The following TMEM59 variants were observed in gnomAD, a reference collection of about 807,000 sequenced individuals.
TMEM59 encodes transmembrane protein 59.
A neutral mutation model predicts 42.2 loss-of-function variants in TMEM59; 44 were observed. The observed-to-expected ratio is 1.04, with a 90% CI of 0.82 to 1.34. The LOEUF is 1.34. Among genes scored for constraint, TMEM59 ranks in the 40% most tolerant of loss-of-function variants. The probability of loss-of-function intolerance (pLI) is 0.00; values close to 1 mark genes in which losing one functional copy is unlikely to be tolerated. For synonymous variants in TMEM59, 148 were observed against 145.8 expected (o/e 1.02, Z -0.11); for missense variants, 359 against 382.8 (o/e 0.94, Z 0.52).
chr1:54,053,275 G>GC (rs1557683250), upstream of TMEM59: 6 of 1,506,454 alleles, frequency 4.0e-6, no homozygotes, highest in Non-Finnish European at 4.5e-6. Flanking sequence ...CCCCTTCTCC[G>GC]CCCCACCGAC....
chr1:54,033,570 C>G (rs1454536370), intron 7 of TMEM59: 1 of 145,864 alleles, frequency 6.9e-6, no homozygotes, highest in Non-Finnish European at 1.5e-5. Context: ...ACACTGCCCT[C>G]CAGCCTGGGG....
chr1:54,029,096 A>G lies in TMEM59; in HGVS notation c.*3054T>C, dbSNP rs1477409002. The G allele has an allele frequency of 6.6e-6, 1 of 152,188 alleles. No homozygotes were observed. The highest frequency in any genetic ancestry group is 1.5e-5 in the Non-Finnish European group (1 of 68,028). The allele number at this position is 152,188 out of a possible 1,614,324, so 9.4% of individuals were successfully genotyped here. A position where few individuals can be genotyped will look rare whatever the true frequency, so the allele number is the denominator to read the frequency against. ...TAAGACAAATCCAGACAGACTAATAACAAAGGGTAAATTGTTTGCCTTTGG... is the reference window on the plus strand; with the variant it reads ...TAAGACAAATCCAGACAGACTAATAGCAAAGGGTAAATTGTTTGCCTTTGG... On this transcript the variant is annotated 3_prime_UTR_variant, in exon 8 of 8. Transcript: ENST00000234831.
rs373504322 is a variant in TMEM59, at chr1:54,053,004, G to C, written c.185C>G (p.Pro62Arg). ...CCCGCTCCGGACGGGCCCTACCTTAGGGTAGGTGTGCAAGGGGTAGGTCAA... is the reference window on the plus strand; with the variant it reads ...CCCGCTCCGGACGGGCCCTACCTTACGGTAGGTGTGCAAGGGGTAGGTCAA... ...CQLTYPLHTY[P>R]KEEELYACQR... Residue 62 changes from proline (P) to arginine (R), a missense_variant, in exon 1 of 8, where the codon CCT (proline) becomes CGT (arginine). Coordinates refer to ENST00000234831, the MANE Select transcript of TMEM59 (RefSeq NM_004872.5). 3 of 1,613,484 alleles carry C rather than the reference G, an allele frequency of 1.9e-6. No individual in the cohort carries two copies. The highest frequency in any genetic ancestry group is 1.3e-5 in the African/African-American group (1 of 75,066).
At chr1:54,037,633 T>C (rs1656995487) in intron 6 of TMEM59, among the ~76,000 whole-genome samples, 1 of 152,252 alleles carries the variant, frequency 6.6e-6, no homozygotes, top group African/African-American at 2.4e-5. Context: ...GTAAGAGATC[T>C]ATACTTACCA....
At chr1:54,051,061 T>G (rs1454795667) in intron 1 of TMEM59, among the ~76,000 whole-genome samples, 6 of 145,686 alleles carry the variant, frequency 4.1e-5, no homozygotes, top group South Asian at 2.2e-4. Flanking sequence ...TGCCATGTTG[T>G]CCAGGCTGGT....
At chr1:54,033,935 T>C (rs1656857280) in intron 7 of TMEM59, 1 of 151,728 alleles carries the variant, frequency 6.6e-6, no homozygotes, top group Non-Finnish European at 1.5e-5. Flanking sequence ...CTGGCCAACA[T>C]GGTGAAACCC....
Position 54,041,713 on chromosome 1 carries a change from A to T in TMEM59, c.625+11T>A. On this transcript the variant is annotated intron_variant, in intron 5 of 7. Transcript: ENST00000234831. ...AATGTTTTTATCTAAGCTACTTAAA[A>T]TAAAACTTACAGGACATTTTGCTTA... 1 of 1,610,046 alleles carries T rather than the reference A, an allele frequency of 6.2e-7. No individual in the cohort carries two copies.
intron 7 of TMEM59, chr1:54,034,615 A>C (rs1383040261): frequency 2.0e-5 from 3 of 152,186 alleles, no homozygotes; most frequent in Non-Finnish European, 2.9e-5. Flanking sequence ...CTCTACTAAA[A>C]ATACAAAAAT....
Position 54,045,801 on chromosome 1 carries a change from T to G in TMEM59, c.296-15A>C. ...TTCTGTACATGCTGTAAGAGAAAAA[T>G]AGTCAAATTACAAGAAACAAAAGAG... On this transcript the variant is annotated splice_polypyrimidine_tract_variant and intron_variant, in intron 2 of 7. Transcript: ENST00000234831. 8 of 1,584,050 alleles carry G rather than the reference T, an allele frequency of 5.1e-6. No homozygotes were observed. The highest frequency in any genetic ancestry group is 6.0e-6 in the Non-Finnish European group (7 of 1,159,888).
At position 54,028,370 on chromosome 1, in the gene TMEM59, T is replaced by C. The variant is rs1453417578; in HGVS notation, c.*3780A>G. ...TTATTGTTGGCCTCTGGACTTGCCC[T>C]TTCTGGTCTATCTTCCACATTGCTG... On this transcript the variant is annotated 3_prime_UTR_variant, in exon 8 of 8. Coordinates refer to ENST00000234831, the MANE Select transcript of TMEM59 (RefSeq NM_004872.5). 6.6e-6 allele frequency: 1 copy of C among 152,238 alleles called. No individual in the cohort carries two copies. Among genetic ancestry groups the C allele is most frequent in the East Asian group, 1.9e-4 (1 of 5,196 alleles). The allele number at this position is 152,238 out of a possible 1,614,324, so 9.4% of individuals were successfully genotyped here.
At position 54,053,133 on chromosome 1, in the gene TMEM59, A is replaced by G. The variant is rs777400412; in HGVS notation, c.56T>C (p.Leu19Pro). 5.0e-6 allele frequency: 8 copies of G among 1,614,268 alleles called. No homozygotes were observed. In the South Asian group the frequency reaches 5.5e-5, roughly 11 times the overall value. The change falls in exon 1 of 8, where the codon CTG becomes CCG. Residue 19 changes from leucine to proline, a missense_variant. By Grantham distance (98) the Leu-to-Pro change is moderately conservative. Transcript: ENST00000234831. ...GGCCAAGGCCATGGTCAGCAGCAGCAGCGGCGGGAGCCCCAGTTGGGTCCT... is the reference window on the plus strand; with the variant it reads ...GGCCAAGGCCATGGTCAGCAGCAGCGGCGGCGGGAGCCCCAGTTGGGTCCT... ...WVRTQLGLPP[L>P]LLLTMALAGG...
At chr1:54,036,073 CAGG>C (rs1156292768) in intron 7 of TMEM59, among the ~76,000 whole-genome samples, 1 of 152,178 alleles carries the variant, frequency 6.6e-6, no homozygotes, top group Non-Finnish European at 1.5e-5. Flanking sequence ...CACTTGAGAT[CAGG>C]AGTTCAGGAC....
rs1259347347 is a variant in TMEM59 at position 54,028,122 on chromosome 1, T to A, written c.*4028A>T. ...AGAGACTGGTTGGCAAACGTAGAATTAAGAGGATGGTGATAAGAAACCAGG... is the reference window on the plus strand; with the variant it reads ...AGAGACTGGTTGGCAAACGTAGAATAAAGAGGATGGTGATAAGAAACCAGG... On this transcript the variant is annotated 3_prime_UTR_variant, in exon 8 of 8. Transcript: ENST00000234831. The A allele has an allele frequency of 6.6e-6, 1 of 151,920 alleles. No homozygotes were observed. The highest frequency in any genetic ancestry group is 1.5e-5 in the Non-Finnish European group (1 of 67,980). The allele number at this position is 151,920 out of a possible 1,614,324, so 9.4% of individuals were successfully genotyped here. A position where few individuals can be genotyped will look rare whatever the true frequency, so the allele number is the denominator to read the frequency against.
intron 5 of TMEM59, 127 bp downstream of exon 5, chr1:54,041,597 T>C (rs931059253): frequency 4.2e-6 from 3 of 717,524 alleles, no homozygotes; most frequent in African/African-American, 3.6e-5. Context: ...ACATGAAAGT[T>C]TGAGAACCAC....
chr1:54,041,070 G>A (rs1200483901), intron 5 of TMEM59, among the ~76,000 whole-genome samples: 4 of 152,114 alleles, frequency 2.6e-5, no homozygotes, highest in African/African-American at 9.7e-5. Flanking sequence ...GATGCTTTCT[G>A]CTTAATTACA....
chr1:54,035,615 T>TTTTTTC (rs142529728), intron 7 of TMEM59, among the ~76,000 whole-genome samples: 19,171 of 151,418 alleles, frequency 0.13, 2,792 homozygotes, highest in African/African-American at 0.36. Context: ...CCAGCATTTT[T>TTTTTTC]TTTTCTTTTC....
Position 54,030,975 on chromosome 1 carries a change from G to C in TMEM59, c.*1175C>G, listed in dbSNP as rs1329829593. ...CATATTAGAATTCTGGTGTAGGCTG[G>C]GCACAGTCACTCACGCCTGTAATCC... is the stretch of plus-strand genomic sequence containing the variant. On this transcript the variant is annotated 3_prime_UTR_variant, in exon 8 of 8. Transcript: ENST00000234831. The C allele has an allele frequency of 6.6e-6, 1 of 152,100 alleles. No homozygotes were observed. The highest frequency in any genetic ancestry group is 1.9e-4 in the East Asian group (1 of 5,190). The allele number at this position is 152,100 out of a possible 1,614,324, so 9.4% of individuals were successfully genotyped here. A position where few individuals can be genotyped will look rare whatever the true frequency, so the allele number is the denominator to read the frequency against.
chr1:54,047,447 G>A, intron 1 of TMEM59, 75 bp from the exon 2 acceptor site: 1 of 1,189,946 alleles, frequency 8.4e-7, no homozygotes, highest in Non-Finnish European at 1.2e-6. Flanking sequence ...AGGTTAGGAA[G>A]AAAGCAGTTA....
At chr1:54,038,474 T>C (rs1343753310) in intron 6 of TMEM59, among the ~76,000 whole-genome samples, 1 of 152,194 alleles carries the variant, frequency 6.6e-6, no homozygotes, top group African/African-American at 2.4e-5. Context: ...ACATCTTTAC[T>C]AGGTCTCAAC....
Sources: gnomAD v4.1 joint callset for allele counts (sites outside exome capture counted in the v4.1 genomes callset) on GRCh38, gnomAD v4.1.1 for gene constraint, MANE v1.5 for transcripts, NCBI Gene and HGNC (gene_info 2026-07-23, HGNC 2026-07-21) for gene names.